Variants in ZMYM4 observed in about 807,000 individuals in gnomAD.
The protein encoded by ZMYM4 is zinc finger MYM-type protein 4.
In ZMYM4, 31 loss-of-function variants were observed where a neutral mutation model predicts 183.2. The observed-to-expected ratio is 0.17, with a 90% CI of 0.13 to 0.23. The LOEUF (loss-of-function observed/expected upper bound fraction) is 0.23. Among genes scored for constraint, ZMYM4 ranks in the 10% least tolerant of loss-of-function variants. The probability of loss-of-function intolerance (pLI) is 1.00; values close to 1 mark genes in which losing one functional copy is unlikely to be tolerated. For missense variants in ZMYM4, 1,273 were observed against 1,840.3 expected, an observed-to-expected ratio of 0.69 and a Z score of 5.64; for synonymous variants, 592 against 631.2, an observed-to-expected ratio of 0.94 and a Z score of 0.93.
At chr1:35,300,138 T>C (rs1428690562) in intron 1 of ZMYM4, among the ~76,000 whole-genome samples, 1 of 151,716 alleles carries the variant, frequency 6.6e-6, no homozygotes, top group African/African-American at 2.4e-5. Flanking sequence ...AGAAAAAGAG[T>C]GGGGTTTGCA....
At chr1:35,343,001 C>G (rs1643259089) in intron 2 of ZMYM4, among the ~76,000 whole-genome samples, 1 of 152,056 alleles carries the variant, frequency 6.6e-6, no homozygotes, top group African/African-American at 2.4e-5. Context: ...TTCATGTATA[C>G]TAGTTTGGAT....
intron 25 of ZMYM4, among the ~76,000 whole-genome samples, chr1:35,407,237 C>A (rs1645018962): frequency 6.6e-6 from 1 of 151,964 alleles, no homozygotes. Flanking sequence ...AGTTTGAGAC[C>A]AGCCTGACCA....
In ZMYM4 at chr1:35,420,985, C is replaced by T. The variant is rs1243031698; in HGVS notation, c.*1308C>T. 6.6e-6 allele frequency: 1 copy of T among 152,288 alleles called. No individual in the cohort carries two copies. Among genetic ancestry groups the T allele is most frequent in the East Asian group, 1.9e-4 (1 of 5,202 alleles). 9.4% of individuals were successfully genotyped at this position (152,288 alleles called of 1,614,324 possible). On this transcript the variant is annotated 3_prime_UTR_variant, in exon 30 of 30. Transcript: ENST00000314607. ...AGTCCATCTCCCTCATCTCCATTCT[C>T]AGTTTCTTCCCCACAAAATTTGGAA...
intron 3 of ZMYM4, among the ~76,000 whole-genome samples, 177 bp from the exon 4 acceptor site, chr1:35,361,017 T>C (rs1431126343): frequency 1.3e-5 from 2 of 151,690 alleles, no homozygotes; most frequent in Non-Finnish European, 2.9e-5. Flanking sequence ...TGGGGCCAGA[T>C]TGTGCAGAAC....
At chr1:35,374,753 A>T (rs1644299093) in intron 7 of ZMYM4, among the ~76,000 whole-genome samples, 1 of 151,940 alleles carries the variant, frequency 6.6e-6, no homozygotes, top group Non-Finnish European at 1.5e-5. Context: ...GAAAACACGT[A>T]AGTTTTAAAA....
At chr1:35,345,510 A>C (rs1643360033) in intron 2 of ZMYM4, among the ~76,000 whole-genome samples, 1 of 151,542 alleles carries the variant, frequency 6.6e-6, no homozygotes, top group Non-Finnish European at 1.5e-5. Flanking sequence ...TCTAGAGGGC[A>C]GTGGTGCGAT....
chr1:35,370,208 CT>C, intron 6 of ZMYM4, 95 bp downstream of exon 6: 1 of 1,534,534 alleles, frequency 6.5e-7, no homozygotes, highest in Non-Finnish European at 8.9e-7. Context: ...GCAGCTCTCT[CT>C]ACCCACTTAG....
chr1:35,365,175 T>A (rs78703485), intron 5 of ZMYM4, among the ~76,000 whole-genome samples: 2 of 151,362 alleles, frequency 1.3e-5, no homozygotes, highest in Admixed American at 6.6e-5. Context: ...CTGAGAGATA[T>A]AGAGATTTAG....
intron 2 of ZMYM4, among the ~76,000 whole-genome samples, chr1:35,346,538 C>T (rs1247526632): frequency 6.6e-6 from 1 of 150,790 alleles, no homozygotes; most frequent in African/African-American, 2.4e-5. Flanking sequence ...GTAATCCCAG[C>T]TACTGAGGGA....
At chr1:35,328,771 C>T (rs949403148) in intron 2 of ZMYM4, among the ~76,000 whole-genome samples, 1 of 152,040 alleles carries the variant, frequency 6.6e-6, no homozygotes, top group Non-Finnish European at 1.5e-5. Context: ...GGAACATAGA[C>T]CCCTATCCAG....
intron 1 of ZMYM4, among the ~76,000 whole-genome samples, chr1:35,313,203 A>G (rs1218176004): frequency 6.6e-6 from 1 of 150,926 alleles, no homozygotes; most frequent in African/African-American, 2.4e-5. Context: ...CCCAGCTAAC[A>G]TTTTTATTAT....
chr1:35,408,964 C>T (rs1323304151), intron 26 of ZMYM4, among the ~76,000 whole-genome samples: 1 of 152,190 alleles, frequency 6.6e-6, no homozygotes, highest in African/African-American at 2.4e-5. Context: ...CCCTGGCAAC[C>T]ATAAATCTGC....
rs757410137 is a variant in ZMYM4, at chr1:35,388,946, G to A, written c.2300G>A (p.Arg767His). 7.4e-6 allele frequency: 12 copies of A among 1,613,804 alleles called. No homozygotes were observed. Among genetic ancestry groups the A allele is most frequent in the Admixed American group, 1.7e-5 (1 of 59,926 alleles). The change falls in exon 14 of 30, where the codon CGC becomes CAC. Residue 767 changes from arginine to histidine, a missense_variant. Arg to His is a conservative substitution (Grantham distance 29). This residue lies in a region of ZMYM4 where 319 missense variants were observed against 518.1 expected (regional missense o/e 0.62). Coordinates refer to ENST00000314607, the MANE Select transcript of ZMYM4 (RefSeq NM_005095.3). ...KLLYKHDLAK[R>H]WGNHCKMCSY... ...CTTTATAAACATGACTTGGCAAAACGCTGGGGAAATCACTGTAAAATGTGC... is the reference window on the plus strand; with the variant it reads ...CTTTATAAACATGACTTGGCAAAACACTGGGGAAATCACTGTAAAATGTGC...
chr1:35,322,209 C>T (rs1557997986), intron 1 of ZMYM4, among the ~76,000 whole-genome samples: 1 of 152,062 alleles, frequency 6.6e-6, no homozygotes, highest in Non-Finnish European at 1.5e-5. Flanking sequence ...TCTTTGATCA[C>T]TTTCTATTGG....
chr1:35,403,846 G>A (rs1160373204), intron 23 of ZMYM4, among the ~76,000 whole-genome samples: 1 of 152,130 alleles, frequency 6.6e-6, no homozygotes, highest in Non-Finnish European at 1.5e-5. Flanking sequence ...AGGGTTTTAA[G>A]CTATAAATGC....
chr1:35,289,213 TAAA>T (rs759616895), intron 1 of ZMYM4, among the ~76,000 whole-genome samples: 2 of 152,206 alleles, frequency 1.3e-5, no homozygotes, highest in Non-Finnish European at 2.9e-5. Context: ...TATGATCTCT[TAAA>T]AAGATTCTTT....
In ZMYM4 at chr1:35,419,807, C is replaced by A; in HGVS notation, c.*130C>A. 1 of 867,362 alleles carries A rather than the reference C, an allele frequency of 1.2e-6. No homozygotes were observed. The highest frequency in any genetic ancestry group is 1.8e-6 in the Non-Finnish European group (1 of 555,806). 53.7% of individuals were successfully genotyped at this position (867,362 alleles called of 1,614,324 possible). ...CCATAAGATCATGGAAAACAGATGACTTGTGAACCCCACAGTGTGGATGTG... is the reference window on the plus strand; with the variant it reads ...CCATAAGATCATGGAAAACAGATGAATTGTGAACCCCACAGTGTGGATGTG... On this transcript the variant is annotated 3_prime_UTR_variant, in exon 30 of 30. Transcript: ENST00000314607.
chr1:35,297,088 G>GATCC (rs1641054827), intron 1 of ZMYM4, among the ~76,000 whole-genome samples: 1 of 151,920 alleles, frequency 6.6e-6, no homozygotes, highest in African/African-American at 2.4e-5. Context: ...GACCTCAGGT[G>GATCC]ATCCACCTGC....
At chr1:35,397,636 T>C (rs1644832926) in intron 20 of ZMYM4, 91 bp downstream of exon 20, 3 of 1,148,834 alleles carry the variant, frequency 2.6e-6, no homozygotes, top group Non-Finnish European at 3.5e-6. Flanking sequence ...GACAGGGTGT[T>C]TCTAAAACCT....
Sources: gnomAD v4.1 joint callset for allele counts (sites outside exome capture counted in the v4.1 genomes callset) on GRCh38, gnomAD v4.1.1 for gene constraint, gnomAD v4.1.1 regional missense constraint, MANE v1.5 for transcripts, NCBI Gene and HGNC (gene_info 2026-07-23, HGNC 2026-07-21) for gene names.